Variants in ABCC3 observed in about 807,000 individuals in gnomAD.
The protein encoded by ABCC3 is ATP-binding cassette sub-family C member 3.
Under a neutral mutation model 165.3 loss-of-function variants are expected in ABCC3, and 121 were observed. That is an observed-to-expected ratio of 0.73 (90% CI 0.63 to 0.85). The LOEUF is 0.85. Among genes scored for constraint, ABCC3 ranks in the 40% least tolerant of loss-of-function variants. The pLI, the probability that ABCC3 is intolerant of heterozygous loss-of-function variation, is 0.00. For synonymous variants in ABCC3, 733 were observed against 810.1 expected, an observed-to-expected ratio of 0.90 and a Z score of 1.62; for missense variants, 1,869 against 1,964.1, an observed-to-expected ratio of 0.95 and a Z score of 0.92.
At position 50,684,145 on chromosome 17, in the gene ABCC3, G is replaced by GA. The variant is rs754170781; in HGVS notation, c.4113+38_4113+39insA. On this transcript the variant is annotated intron_variant, in intron 28 of 30. Coordinates refer to ENST00000285238, the MANE Select transcript of ABCC3 (RefSeq NM_003786.4). ...CATGGGCTGGCCACACTCACCAACG[G>GA]CCCTGGAGGCAGGCCCCACCTTGTT... The GA allele has an allele frequency of 3.1e-6, 5 of 1,601,472 alleles. 1 individual carries two copies. The South Asian group carries it at 5.6e-5, about 18-fold the overall frequency.
chr17:50,642,637 A>G (rs990538062), intron 1 of ABCC3, among the ~76,000 whole-genome samples: 6 of 152,056 alleles, frequency 3.9e-5, no homozygotes, highest in Admixed American at 2.6e-4. Flanking sequence ...ACAGGTGGAG[A>G]CTGAGGTTCA....
At chr17:50,646,045 T>C (rs997381838) in intron 1 of ABCC3, among the ~76,000 whole-genome samples, 1 of 152,010 alleles carries the variant, frequency 6.6e-6, no homozygotes, top group African/African-American at 2.4e-5. Flanking sequence ...TGAGAGAAAA[T>C]ATAATAAATC....
rs997611460 is a variant in ABCC3, at chr17:50,683,873, G to T, written c.3955-76G>T. The T allele has an allele frequency of 2.0e-5, 31 of 1,563,050 alleles. 1 individual carries two copies. In the South Asian group the frequency reaches 3.6e-4, roughly 18 times the overall value. On this transcript the variant is annotated intron_variant, in intron 27 of 30. Coordinates refer to ENST00000285238, the MANE Select transcript of ABCC3 (RefSeq NM_003786.4). ...AGTGCTCCAGCCACATGTTTGTTCG[G>T]CCTCCAGGAGAGTCCTGGAGATGCG...
chr17:50,658,377 T>C, intron 5 of ABCC3, 58 bp from the exon 6 acceptor site: 1 of 1,589,634 alleles, frequency 6.3e-7, no homozygotes, highest in Non-Finnish European at 8.6e-7. Flanking sequence ...TTCCCTACTC[T>C]GCTTTGAGAG....
intron 8 of ABCC3, among the ~76,000 whole-genome samples, chr17:50,661,608 C>T (rs1227210898): frequency 6.6e-6 from 1 of 152,192 alleles, no homozygotes; most frequent in Non-Finnish European, 1.5e-5. Flanking sequence ...AGGAGAGCTG[C>T]CTAGTAGCTA....
chr17:50,639,401 A>G (rs1243034108), intron 1 of ABCC3, among the ~76,000 whole-genome samples: 1 of 152,196 alleles, frequency 6.6e-6, no homozygotes, highest in African/African-American at 2.4e-5. Flanking sequence ...GAAGTGAGTC[A>G]GGGAAGTGGC....
chr17:50,668,487 C>A lies in ABCC3; in HGVS notation c.1840C>A (p.Gln614Lys), dbSNP rs756758336. 2 of 1,614,026 alleles carry A rather than the reference C, an allele frequency of 1.2e-6. No homozygotes were observed. The highest frequency in any genetic ancestry group is 2.2e-5 in the South Asian group (2 of 91,074). Residue 614 changes from glutamine to lysine, a missense_variant, in exon 14 of 31, where the codon CAG becomes AAG. Coordinates refer to ENST00000285238, the MANE Select transcript of ABCC3 (RefSeq NM_003786.4). ...CCTGAGCCAAGAGGAACTTGACCCC[C>A]AGAGTGTGGAAAGAAAGACCATCTC... ...QFLSQEELDP[Q>K]SVERKTISPG... is the part of the protein sequence containing the mutation.
chr17:50,655,428 CA>C (rs1286019214), intron 1 of ABCC3, among the ~76,000 whole-genome samples: 10 of 97,022 alleles, frequency 1.0e-4, no homozygotes, highest in Non-Finnish European at 1.1e-4. Context: ...AAAACAAAAA[CA>C]AAAAAAAAAG....
At chr17:50,676,129 C>T (rs771492230) in intron 22 of ABCC3, 39 bp downstream of exon 22, 3 of 1,611,304 alleles carry the variant, frequency 1.9e-6, no homozygotes, top group Middle Eastern at 1.7e-4. Flanking sequence ...CTCCAATATC[C>T]CTTCTTCTCT....
At position 50,669,229 on chromosome 17, in the gene ABCC3, G is replaced by A. The variant is rs1567833577; in HGVS notation, c.2027G>A (p.Gly676Glu). 2 of 1,613,838 alleles carry A rather than the reference G, an allele frequency of 1.2e-6. No homozygotes were observed. The highest frequency in any genetic ancestry group is 2.2e-5 in the East Asian group (1 of 44,884). The change falls in exon 16 of 31, where the codon GGA becomes GAA. Residue 676 changes from glycine to glutamate, a missense_variant. By Grantham distance (98) the Gly-to-Glu change is moderately conservative (BLOSUM62 -2). Coordinates refer to ENST00000285238, the MANE Select transcript of ABCC3 (RefSeq NM_003786.4). Reference protein sequence around the residue: ...GKSSLVSALLGEMEKLEGKVH... With the variant: ...GKSSLVSALLEEMEKLEGKVH... ...TCCTCCCTGGTGTCTGCCCTGCTGG[G>A]AGAGATGGAGAAGCTAGAAGGCAAA...
intron 26 of ABCC3, 45 bp downstream of exon 26, chr17:50,679,944 TG>T (rs1290559008): frequency 6.5e-7 from 1 of 1,531,628 alleles, no homozygotes; most frequent in Non-Finnish European, 9.0e-7. Flanking sequence ...CTGAAGTAGC[TG>T]GGGAAGAAAG....
intron 17 of ABCC3, 27 bp from the exon 18 acceptor site, chr17:50,672,943 AT>A: frequency 6.2e-7 from 1 of 1,605,740 alleles, no homozygotes. Context: ...GTCTGACCCC[AT>A]TTTTCCCACC....
At chr17:50,664,702 C>CAAAA (rs58513664) in intron 10 of ABCC3, 20 of 47,954 alleles carry the variant, frequency 4.2e-4, no homozygotes, top group South Asian at 1.3e-3. Flanking sequence ...GACTCTGTCT[C>CAAAA]AAAAAAAAAA....
intron 1 of ABCC3, among the ~76,000 whole-genome samples, chr17:50,648,636 T>C (rs1011885153): frequency 3.9e-5 from 6 of 152,156 alleles, no homozygotes; most frequent in African/African-American, 1.2e-4. Context: ...CCAATAAGCT[T>C]GGTCCTCGGT....
chr17:50,684,020 G>A lies in ABCC3; in HGVS notation c.4026G>A (p.Ala1342=), dbSNP rs1967975827. 15 of 1,612,998 alleles carry A rather than the reference G, an allele frequency of 9.3e-6. No individual in the cohort carries two copies. Among genetic ancestry groups the A allele is most frequent in the East Asian group, 2.2e-5 (1 of 44,818 alleles). ...MTLCLFRILE[A]AKGEIRIDGL... is the part of the protein sequence containing the mutation. ...TTTGCCTGTTCCGCATCCTGGAGGC[G>A]GCAAAGGGTGAAATCCGCATTGATG... Residue 1342 remains alanine, a synonymous_variant, in exon 28 of 31, where the codon GCG becomes GCA. Transcript: ENST00000285238.
Position 50,669,471 on chromosome 17 carries a change from C to T in ABCC3, c.2184C>T (p.Ala728=). The stretch of plus-strand genomic sequence containing the variant: ...ACCAGCAGACTCTGGAGGCCTGTGC[C>T]TTGCTAGCTGACCTGGAGATGCTGC... ...KRYQQTLEAC[A]LLADLEMLPG... Residue 728 remains alanine (A), a synonymous_variant, in exon 17 of 31, where the codon GCC becomes GCT. Coordinates refer to ENST00000285238, the MANE Select transcript of ABCC3 (RefSeq NM_003786.4). 6.2e-7 allele frequency: 1 copy of T among 1,614,240 alleles called. No homozygotes were observed. The highest frequency in any genetic ancestry group is 8.5e-7 in the Non-Finnish European group (1 of 1,180,028).
chr17:50,678,558 C>A (rs1324153661), intron 25 of ABCC3, among the ~76,000 whole-genome samples: 4 of 152,136 alleles, frequency 2.6e-5, no homozygotes, highest in African/African-American at 9.7e-5. Context: ...ACTGGAGAGA[C>A]CCCCATCAGC....
chr17:50,635,519 C>G (rs887807048), intron 1 of ABCC3: 1 of 702,586 alleles, frequency 1.4e-6, no homozygotes, highest in Non-Finnish European at 2.6e-6. Context: ...CTTCTTTTCT[C>G]TAGGTAAGAC....
At chr17:50,672,764 C>T (rs931693427) in intron 17 of ABCC3, among the ~76,000 whole-genome samples, 1 of 151,882 alleles carries the variant, frequency 6.6e-6, no homozygotes, top group Admixed American at 6.6e-5. Context: ...CCTAGCTACT[C>T]GGGAGGCTGA....
Sources: allele counts gnomAD v4.1 joint callset (sites outside exome capture counted in the v4.1 genomes callset), GRCh38; gene constraint gnomAD v4.1.1; transcripts MANE v1.5; gene names NCBI Gene and HGNC (gene_info 2026-07-23, HGNC 2026-07-21).